The following MAS1 variants were observed in gnomAD, a reference collection of about 807,000 sequenced individuals.
The protein encoded by MAS1 is MAS1 proto-oncogene, G protein-coupled receptor.
For synonymous variants in MAS1, 163 were observed against 164.2 expected (o/e 0.99, Z 0.05); for missense variants, 387 against 409.7 (o/e 0.94, Z 0.48).
At chr6:159,903,020 C>T (rs1225437804) in intron 2 of MAS1, among the ~76,000 whole-genome samples, 1 of 152,132 alleles carries the variant, frequency 6.6e-6, no homozygotes, top group Non-Finnish European at 1.5e-5. Context: ...TCACACTCTG[C>T]ACTTAATACT....
chr6:159,900,666 T>G (rs747346906), intron 2 of MAS1, among the ~76,000 whole-genome samples: 1 of 152,324 alleles, frequency 6.6e-6, no homozygotes, highest in Non-Finnish European at 1.5e-5. Flanking sequence ...GAGTACTGTA[T>G]GTGCTTCATG....
chr6:159,892,128 C>T (rs543701160), intron 1 of MAS1, among the ~76,000 whole-genome samples: 13 of 152,188 alleles, frequency 8.5e-5, no homozygotes, highest in Non-Finnish European at 1.5e-4. Context: ...AGCAAGAAGT[C>T]TCTGCTTCTG....
chr6:159,908,011 A>G lies in MAS1; in HGVS notation c.*78A>G, dbSNP rs189490097. On this transcript the variant is annotated 3_prime_UTR_variant, in exon 3 of 3. Transcript: ENST00000674077. ...TTTGTGCTTGGAATATGACTTAAGTATCTCCTAAATGTGATACAGAAGAAC... is the reference window on the plus strand; with the variant it reads ...TTTGTGCTTGGAATATGACTTAAGTGTCTCCTAAATGTGATACAGAAGAAC... 64 of 1,456,388 alleles carry G rather than the reference A, an allele frequency of 4.4e-5. No individual in the cohort carries two copies. In the African/African-American group the frequency reaches 7.1e-4, roughly 16 times the overall value. 90.2% of individuals were successfully genotyped at this position (1,456,388 alleles called of 1,614,324 possible).
At chr6:159,893,341 G>A (rs1583209911) in intron 1 of MAS1, among the ~76,000 whole-genome samples, 2 of 152,218 alleles carry the variant, frequency 1.3e-5, no homozygotes, top group African/African-American at 4.8e-5. Flanking sequence ...CAGGGAACTG[G>A]TGCTGGGTGT....
chr6:159,909,325 C>A lies in MAS1; in HGVS notation c.*1392C>A, dbSNP rs1289228775. ...TGAGCCCGATAGTATTTATTTTAAC[C>A]ATTTGCTCTTTAAAAGGTCAGAGAG... On this transcript the variant is annotated 3_prime_UTR_variant, in exon 3 of 3. Transcript: ENST00000674077. 1 of 152,184 alleles carries A rather than the reference C, an allele frequency of 6.6e-6. No individual in the cohort carries two copies. Among genetic ancestry groups the A allele is most frequent in the Non-Finnish European group, 1.5e-5 (1 of 68,032 alleles). 9.4% of individuals were successfully genotyped at this position (152,184 alleles called of 1,614,324 possible). A position where few individuals can be genotyped will look rare whatever the true frequency, so the allele number is the denominator to read the frequency against.
rs115257432 is a variant in MAS1, at chr6:159,894,575, G to A, written c.-244+3442G>A. ...ATATGCTAGGCTCTGGCATCATCTC[G>A]GAGACAAGAGGCGAGGAGACGTGAA... On this transcript the variant is annotated intron_variant, in intron 1 of 2. Coordinates refer to ENST00000674077, the MANE Select transcript of MAS1 (RefSeq NM_002377.4). Among the ~76,000 whole-genome samples the A allele has an allele frequency of 6.0e-3, 918 of 152,238 alleles. 6 individuals are homozygous for A. The highest frequency in any genetic ancestry group is 0.02 in the African/African-American group (822 of 41,518).
At chr6:159,901,336 G>A (rs1782819715) in intron 2 of MAS1, among the ~76,000 whole-genome samples, 1 of 152,184 alleles carries the variant, frequency 6.6e-6, no homozygotes, top group Non-Finnish European at 1.5e-5. Flanking sequence ...CTGAGGCCAG[G>A]CACAGTGGCT....
chr6:159,892,610 G>A (rs1201834046), intron 1 of MAS1, among the ~76,000 whole-genome samples: 2 of 152,072 alleles, frequency 1.3e-5, no homozygotes, highest in Non-Finnish European at 2.9e-5. Context: ...ATAAATGTAT[G>A]GCATTTAGAA....
chr6:159,896,134 C>T (rs190696841), intron 1 of MAS1, among the ~76,000 whole-genome samples: 4 of 148,018 alleles, frequency 2.7e-5, no homozygotes, highest in Admixed American at 1.3e-4. Context: ...CATGGGAAAA[C>T]CCTGTCTCTA....
rs545769709 is a variant in MAS1 at position 159,901,241 on chromosome 6, A to T, written c.-37+1849A>T. On this transcript the variant is annotated intron_variant, in intron 2 of 2. Coordinates refer to ENST00000674077, the MANE Select transcript of MAS1 (RefSeq NM_002377.4). ...CAAGGCCCTATCACCGAATAGAGTC[A>T]CATTGAGGATTAGGACTTCAACATA... is the stretch of plus-strand genomic sequence containing the variant. Among the ~76,000 whole-genome samples, 51 of 152,350 alleles carry T rather than the reference A, an allele frequency of 3.3e-4. No homozygotes were observed. In the South Asian group the frequency reaches 0.011, roughly 32 times the overall value.
chr6:159,896,322 C>T (rs1346065218), intron 1 of MAS1, among the ~76,000 whole-genome samples: 1 of 151,954 alleles, frequency 6.6e-6, no homozygotes, highest in Non-Finnish European at 1.5e-5. Flanking sequence ...AATAAATAAA[C>T]AAATAAATCA....
At chr6:159,904,478 G>A (rs1032800124) in intron 2 of MAS1, among the ~76,000 whole-genome samples, 5 of 152,228 alleles carry the variant, frequency 3.3e-5, no homozygotes, top group African/African-American at 4.8e-5. Flanking sequence ...ACCACAACAC[G>A]TATCTCTTCC....
At chr6:159,895,300 T>C (rs949922751) in intron 1 of MAS1, among the ~76,000 whole-genome samples, 2 of 152,214 alleles carry the variant, frequency 1.3e-5, no homozygotes, top group African/African-American at 4.8e-5. Context: ...CCTGAGTTAA[T>C]TTCCTCACCT....
intron 1 of MAS1, among the ~76,000 whole-genome samples, chr6:159,898,808 T>C (rs1782791928): frequency 6.7e-6 from 1 of 149,652 alleles, no homozygotes; most frequent in African/African-American, 2.4e-5. Flanking sequence ...TCCTCCCTTC[T>C]CCCTTCTTCT....
At position 159,912,588 on chromosome 6, in the gene MAS1, C is replaced by T. The variant is rs541497701; in HGVS notation, c.*4655C>T. The T allele has an allele frequency of 4.1e-4, 37 of 89,170 alleles. No individual in the cohort carries two copies. The highest frequency in any genetic ancestry group is 1.7e-3 in the African/African-American group (36 of 21,298). The allele number at this position is 89,170 out of a possible 1,614,324, so 5.5% of individuals were successfully genotyped here. On this transcript the variant is annotated 3_prime_UTR_variant, in exon 3 of 3. Coordinates refer to ENST00000674077, the MANE Select transcript of MAS1 (RefSeq NM_002377.4). ...TTTAACCTAACATTTGACTGTTTAA[C>T]TTTGCAAGGTTATATGGGAAAAAAA...
At chr6:159,897,231 G>A (rs1782764924) in intron 1 of MAS1, among the ~76,000 whole-genome samples, 1 of 152,124 alleles carries the variant, frequency 6.6e-6, no homozygotes, top group African/African-American at 2.4e-5. Context: ...GGAATGTGGA[G>A]TGCTGATTGG....
At chr6:159,905,619 T>C (rs534107761) in intron 2 of MAS1, among the ~76,000 whole-genome samples, 16 of 152,336 alleles carry the variant, frequency 1.1e-4, no homozygotes, top group African/African-American at 3.6e-4. Context: ...ATGCTGGGGC[T>C]CTGCTGACTT....
intron 1 of MAS1, among the ~76,000 whole-genome samples, chr6:159,893,632 G>A (rs1782724656): frequency 6.6e-6 from 1 of 152,028 alleles, no homozygotes; most frequent in Non-Finnish European, 1.5e-5. Flanking sequence ...TGGAGATATT[G>A]GTGTCAATTT....
rs1783026415 is a variant in MAS1 at position 159,916,500 on chromosome 6, A to G, written c.*8567A>G. Reference sequence around the variant, plus strand: ...AGATGGTAAATTTTATGTTATGTATATTTTACCACAATAAAGAAGTGAGTT... The same window carrying G: ...AGATGGTAAATTTTATGTTATGTATGTTTTACCACAATAAAGAAGTGAGTT... On this transcript the variant is annotated 3_prime_UTR_variant, in exon 3 of 3. Coordinates refer to ENST00000674077, the MANE Select transcript of MAS1 (RefSeq NM_002377.4). 1 of 152,164 alleles carries G rather than the reference A, an allele frequency of 6.6e-6. No individual in the cohort carries two copies. Among genetic ancestry groups the G allele is most frequent in the African/African-American group, 2.4e-5 (1 of 41,426 alleles). 9.4% of individuals were successfully genotyped at this position (152,164 alleles called of 1,614,324 possible).
Sources: gnomAD v4.1 joint callset for allele counts (sites outside exome capture counted in the v4.1 genomes callset) on GRCh38, gnomAD v4.1.1 for gene constraint, MANE v1.5 for transcripts, NCBI Gene and HGNC (gene_info 2026-07-23, HGNC 2026-07-21) for gene names.